TPPP: variants seen among roughly 807,000 people sequenced by gnomAD.
TPPP encodes the protein tubulin polymerization-promoting protein.
In TPPP, 6 loss-of-function variants were observed where a neutral mutation model predicts 15.5. That is an observed-to-expected ratio of 0.39 (90% CI 0.21 to 0.77). The LOEUF is 0.77. TPPP is among the 30% of genes least tolerant of loss of function. The pLI, the probability that TPPP is intolerant of heterozygous loss-of-function variation, is 0.42. For missense variants in TPPP, 269 were observed against 307.2 expected (o/e 0.88, Z 0.93); for synonymous variants, 146 against 133.9 (o/e 1.09, Z -0.63).
intron 1 of TPPP, among the ~76,000 whole-genome samples, chr5:678,864 A>G (rs2126904537): frequency 6.6e-6 from 1 of 152,298 alleles, no homozygotes; most frequent in East Asian, 1.9e-4. Context: ...TTGGGGACGC[A>G]GGGCTACGCC....
upstream of TPPP, among the ~76,000 whole-genome samples, chr5:696,382 C>G (rs963419188): frequency 3.5e-5 from 5 of 141,750 alleles, no homozygotes; most frequent in Admixed American, 7.1e-5. Context: ...GGTCCCAGCA[C>G]TGAGGTGTCC....
Position 669,957 on chromosome 5 carries a change from G to A in TPPP, c.312-3834C>T, listed in dbSNP as rs78669333. ...GGAGGAGCCTCCGAGTGTGGAGCTC[G>A]GCATCCTCATTGCCCATGCTCTCCC... On this transcript the variant is annotated intron_variant, in intron 2 of 3. Transcript: ENST00000360578. 3.3e-4 allele frequency among the ~76,000 whole-genome samples: 50 copies of A among 152,244 alleles called. 1 individual carries two copies. Among genetic ancestry groups the A allele is most frequent in the African/African-American group, 5.5e-4 (23 of 41,548 alleles).
intron 2 of TPPP, among the ~76,000 whole-genome samples, chr5:669,563 G>A (rs573912356): frequency 8.5e-5 from 13 of 152,258 alleles, no homozygotes; most frequent in South Asian, 4.1e-4. Context: ...ACATGCGGAC[G>A]CCAGGCCTGA....
chr5:688,617 G>C (rs1462140643), intron 1 of TPPP, among the ~76,000 whole-genome samples: 1 of 151,316 alleles, frequency 6.6e-6, no homozygotes, highest in Admixed American at 6.6e-5. Flanking sequence ...GTGCCAGGTG[G>C]GGCCCTCCCA....
chr5:694,366 TCAGCTGGACTCTTC>T (rs1445280674), upstream of TPPP, among the ~76,000 whole-genome samples: 2 of 128,068 alleles, frequency 1.6e-5, no homozygotes, highest in African/African-American at 2.5e-5. Flanking sequence ...CTGGTGACTT[TCAGCTGGACTCTTC>T]CAGCTGGACT....
At chr5:665,947 C>A in intron 3 of TPPP, 23 bp downstream of exon 3, 1 of 1,516,142 alleles carries the variant, frequency 6.6e-7, no homozygotes, top group African/African-American at 1.5e-5. Flanking sequence ...CCAGGCCCCG[C>A]CTTCCATCCC....
At chr5:698,145 G>T (rs1466401363), upstream of TPPP, among the ~76,000 whole-genome samples, 1 of 150,600 alleles carries the variant, frequency 6.6e-6, no homozygotes, top group Non-Finnish European at 1.5e-5. Flanking sequence ...AACAAATGAG[G>T]CATAGAAGGA....
At chr5:675,220 G>A (rs538616987) in intron 2 of TPPP, among the ~76,000 whole-genome samples, 23 of 104,400 alleles carry the variant, frequency 2.2e-4, no homozygotes, top group African/African-American at 6.2e-4. Context: ...AGCCGGGGGT[G>A]CAGTGTGGCT....
At chr5:671,627 G>GT (rs1244573795) in intron 2 of TPPP, among the ~76,000 whole-genome samples, 1 of 152,186 alleles carries the variant, frequency 6.6e-6, no homozygotes, top group Non-Finnish European at 1.5e-5. Flanking sequence ...GGCCTGCAGG[G>GT]TACAGGAGCC....
chr5:692,033 C>A (rs1197683647), intron 1 of TPPP, among the ~76,000 whole-genome samples: 1 of 132,258 alleles, frequency 7.6e-6, no homozygotes, highest in East Asian at 2.4e-4. Flanking sequence ...CCTCCCAACC[C>A]CTATCAAAAC....
chr5:671,283 G>A (rs1158123443), intron 2 of TPPP, among the ~76,000 whole-genome samples: 2 of 152,154 alleles, frequency 1.3e-5, no homozygotes, highest in Non-Finnish European at 2.9e-5. Flanking sequence ...TCACCGCCCT[G>A]TGGACATCAC....
At chr5:675,631 A>T (rs1740406362) in intron 2 of TPPP, among the ~76,000 whole-genome samples, 1 of 151,662 alleles carries the variant, frequency 6.6e-6, no homozygotes, top group South Asian at 2.1e-4. Flanking sequence ...GCAGTGCCAG[A>T]GGTGCAGGCT....
chr5:674,338 G>C (rs1331189238), intron 2 of TPPP, among the ~76,000 whole-genome samples: 1 of 149,556 alleles, frequency 6.7e-6, no homozygotes, highest in East Asian at 1.9e-4. Context: ...CTGAGGGGGA[G>C]GAGGAGCACT....
At chr5:669,445 G>A (rs1740108852) in intron 2 of TPPP, among the ~76,000 whole-genome samples, 1 of 152,156 alleles carries the variant, frequency 6.6e-6, no homozygotes, top group Non-Finnish European at 1.5e-5. Flanking sequence ...AACTGACAGT[G>A]CCCATTGGGC....
intron 2 of TPPP, among the ~76,000 whole-genome samples, chr5:672,758 G>T (rs535629584): frequency 6.6e-6 from 1 of 152,236 alleles, no homozygotes; most frequent in Non-Finnish European, 1.5e-5. Flanking sequence ...GCCTGTGCAC[G>T]CTATGCCTCC....
intron 2 of TPPP, 129 bp downstream of exon 2, chr5:677,621 A>T: frequency 1.2e-6 from 1 of 821,924 alleles, no homozygotes; most frequent in Non-Finnish European, 1.8e-6. Context: ...TGCTTCTGAG[A>T]AGGGCGGGGT....
At chr5:691,751 C>G (rs1740875031) in intron 1 of TPPP, among the ~76,000 whole-genome samples, 1 of 66,412 alleles carries the variant, frequency 1.5e-5, no homozygotes, top group African/African-American at 5.4e-5. Flanking sequence ...GCCCCCAACC[C>G]CCATCAAAAC....
intron 2 of TPPP, among the ~76,000 whole-genome samples, chr5:673,126 T>G (rs936652100): frequency 6.6e-6 from 1 of 152,006 alleles, no homozygotes; most frequent in Non-Finnish European, 1.5e-5. Flanking sequence ...CAAGTGACAG[T>G]GGGCACCCCC....
chr5:686,310 G>A (rs1312002411), intron 1 of TPPP, among the ~76,000 whole-genome samples: 1 of 152,266 alleles, frequency 6.6e-6, no homozygotes. Context: ...CTCACGCGGG[G>A]CACACCAGGT....
Sources: allele counts gnomAD v4.1 joint callset (sites outside exome capture counted in the v4.1 genomes callset), GRCh38; gene constraint gnomAD v4.1.1; transcripts MANE v1.5; gene names NCBI Gene and HGNC (gene_info 2026-07-23, HGNC 2026-07-21).